The following XKR6 variants were observed in gnomAD, a reference collection of about 807,000 sequenced individuals.
The protein encoded by XKR6 is XK-related protein 6.
Under a neutral mutation model 56.7 loss-of-function variants are expected in XKR6, and 22 were observed. That is an observed-to-expected ratio of 0.39 (90% CI 0.28 to 0.55). XKR6 has a LOEUF of 0.55. Among genes scored for constraint, XKR6 ranks in the 20% least tolerant of loss-of-function variants. The pLI is 0.66. For missense variants in XKR6, 852 were observed against 889.0 expected, an observed-to-expected ratio of 0.96 and a Z score of 0.53; for synonymous variants, 524 against 387.8, an observed-to-expected ratio of 1.35 and a Z score of -4.13.
chr8:10,970,470 T>C (rs1447350237), intron 1 of XKR6, among the ~76,000 whole-genome samples: 1 of 152,092 alleles, frequency 6.6e-6, no homozygotes, highest in African/African-American at 2.4e-5. Flanking sequence ...AGACACAAGG[T>C]CTCAATAACA....
At chr8:10,941,569 G>T (rs181065111) in intron 1 of XKR6, among the ~76,000 whole-genome samples, 1,628 of 152,326 alleles carry the variant, frequency 0.011, 16 homozygotes, top group Non-Finnish European at 0.018. Context: ...ATTTTGCCCT[G>T]CACTGGGTCC....
chr8:11,145,479 T>C (rs1342756265), intron 1 of XKR6, among the ~76,000 whole-genome samples: 8 of 152,120 alleles, frequency 5.3e-5, no homozygotes, highest in Admixed American at 3.3e-4. Flanking sequence ...GAAATTCCCA[T>C]AGCCGCTACC....
intron 1 of XKR6, among the ~76,000 whole-genome samples, chr8:11,135,032 TA>T (rs1800310308): frequency 1.5e-5 from 2 of 130,168 alleles, no homozygotes; most frequent in Non-Finnish European, 3.2e-5. Context: ...GAAAATGCAC[TA>T]ATTTTTTTTT....
At chr8:10,975,001 A>G (rs1238150790) in intron 1 of XKR6, among the ~76,000 whole-genome samples, 1 of 152,164 alleles carries the variant, frequency 6.6e-6, no homozygotes, top group Admixed American at 6.5e-5. Flanking sequence ...CTTTTTTTTA[A>G]AAAGAACATC....
chr8:11,038,114 G>T (rs1347030318), intron 1 of XKR6, among the ~76,000 whole-genome samples: 1 of 151,556 alleles, frequency 6.6e-6, no homozygotes, highest in Non-Finnish European at 1.5e-5. Context: ...TCAAATTTCT[G>T]TGTCATCGAA....
At chr8:11,043,119 T>C (rs764769353) in intron 1 of XKR6, among the ~76,000 whole-genome samples, 2 of 152,080 alleles carry the variant, frequency 1.3e-5, no homozygotes, top group Admixed American at 1.3e-4. Context: ...AGGAACTCCA[T>C]GCATTATGGG....
At chr8:11,063,038 T>C (rs1799880086) in intron 1 of XKR6, 1 of 357,092 alleles carries the variant, frequency 2.8e-6, no homozygotes, top group Non-Finnish European at 5.5e-6. Context: ...AAATTGGCAT[T>C]TGGACTCCTA....
At chr8:10,944,353 G>A (rs1801472048) in intron 1 of XKR6, among the ~76,000 whole-genome samples, 1 of 152,164 alleles carries the variant, frequency 6.6e-6, no homozygotes, top group Non-Finnish European at 1.5e-5. Flanking sequence ...AACCCACAAC[G>A]AGACAGGTTT....
At chr8:11,023,469 G>A (rs1798791493) in intron 1 of XKR6, among the ~76,000 whole-genome samples, 1 of 152,152 alleles carries the variant, frequency 6.6e-6, no homozygotes, top group Admixed American at 6.5e-5. Flanking sequence ...TGGCTGCATT[G>A]CCCAGGCTGG....
chr8:10,981,644 GA>G (rs1158325729), intron 1 of XKR6, among the ~76,000 whole-genome samples: 1 of 152,222 alleles, frequency 6.6e-6, no homozygotes, highest in African/African-American at 2.4e-5. Flanking sequence ...ACTTCCAGGT[GA>G]AAAAATATAA....
At chr8:11,116,246 C>T (rs556231352) in intron 1 of XKR6, among the ~76,000 whole-genome samples, 41 of 152,250 alleles carry the variant, frequency 2.7e-4, no homozygotes, top group Admixed American at 2.0e-3. Context: ...TCAGAGAAAA[C>T]GTAACTAATT....
At chr8:11,018,574 G>A (rs1343943007) in intron 1 of XKR6, among the ~76,000 whole-genome samples, 2 of 152,196 alleles carry the variant, frequency 1.3e-5, no homozygotes, top group Non-Finnish European at 2.9e-5. Flanking sequence ...GGTGTCCCCA[G>A]GAGAAACTAC....
intron 1 of XKR6, among the ~76,000 whole-genome samples, chr8:11,097,883 T>G (rs1798321278): frequency 1.3e-5 from 2 of 150,884 alleles, no homozygotes; most frequent in East Asian, 3.9e-4. Context: ...GTTTTTTTTT[T>G]TAAAGCTATT....
intron 1 of XKR6, among the ~76,000 whole-genome samples, chr8:10,944,950 G>C (rs190128112): frequency 5.8e-4 from 88 of 152,352 alleles, no homozygotes; most frequent in Non-Finnish European, 1.3e-4. Context: ...GGACATGGCA[G>C]AGGAAAGCAC....
intron 1 of XKR6, among the ~76,000 whole-genome samples, chr8:11,032,087 C>G (rs1799006530): frequency 6.6e-6 from 1 of 152,176 alleles, no homozygotes; most frequent in Non-Finnish European, 1.5e-5. Context: ...CACAGAGGTC[C>G]CTTACTACTC....
At chr8:10,984,732 C>CTCTCTCTCTCTCTCTCTATATATA in intron 1 of XKR6, among the ~76,000 whole-genome samples, 79 of 47,460 alleles carry the variant, frequency 1.7e-3, no homozygotes, top group Middle Eastern at 0.016. Context: ...CTCTCTCTCT[C>CTCTCTCTCTCTCTCTCTATATATA]TATATATATA....
intron 1 of XKR6, among the ~76,000 whole-genome samples, chr8:11,021,001 G>A (rs186307459): frequency 2.0e-5 from 3 of 152,314 alleles, no homozygotes; most frequent in Admixed American, 2.0e-4. Context: ...CTGGCCCTGG[G>A]AAATGGGGGT....
intron 1 of XKR6, among the ~76,000 whole-genome samples, chr8:11,087,186 G>A (rs764989576): frequency 2.6e-5 from 4 of 152,184 alleles, no homozygotes; most frequent in Non-Finnish European, 5.9e-5. Flanking sequence ...ACACCACAGT[G>A]TGAGGCTTTG....
intron 1 of XKR6, among the ~76,000 whole-genome samples, chr8:10,999,442 A>T (rs1355624240): frequency 6.6e-6 from 1 of 152,254 alleles, no homozygotes; most frequent in Non-Finnish European, 1.5e-5. Flanking sequence ...AAATGTTGAC[A>T]GACGGTTTCT....
Sources: allele counts gnomAD v4.1 joint callset (sites outside exome capture counted in the v4.1 genomes callset), GRCh38; gene constraint gnomAD v4.1.1; transcripts MANE v1.5; gene names NCBI Gene and HGNC (gene_info 2026-07-23, HGNC 2026-07-21).